Variants in CHRDL1 observed in about 807,000 individuals in gnomAD.
CHRDL1 encodes chordin-like protein 1.
A neutral mutation model predicts 40.9 loss-of-function variants in CHRDL1; 19 were observed. The observed-to-expected ratio is 0.46, with a 90% confidence interval of 0.32 to 0.68. The LOEUF (loss-of-function observed/expected upper bound fraction) is 0.68. CHRDL1 is among the 30% of genes least tolerant of loss of function. CHRDL1 has a pLI of 0.03. For missense variants in CHRDL1, 329 were observed against 352.1 expected, an observed-to-expected ratio of 0.93 and a Z score of 0.53; for synonymous variants, 136 against 123.4, an observed-to-expected ratio of 1.10 and a Z score of -0.68.
At chrX:110,679,065 T>A (rs749769925) in intron 11 of CHRDL1, among the ~76,000 whole-genome samples, 7 of 111,578 alleles carry the variant, frequency 6.3e-5, no homozygotes, top group Non-Finnish European at 1.1e-4. Flanking sequence ...TGCTTAGCAG[T>A]TTCATTAAAG....
intron 4 of CHRDL1, among the ~76,000 whole-genome samples, chrX:110,754,073 C>A: frequency 8.9e-6 from 1 of 112,370 alleles, no homozygotes; most frequent in Admixed American, 9.4e-5. Context: ...GCCATTTGCC[C>A]TACATTCTTC....
At chrX:110,711,843 T>C (rs2070751980) in intron 6 of CHRDL1, among the ~76,000 whole-genome samples, 1 of 112,212 alleles carries the variant, frequency 8.9e-6, no homozygotes, top group African/African-American at 3.2e-5. Context: ...CTGACTAATA[T>C]ACTTTTAAAC....
chrX:110,724,161 G>A (rs1202513670), intron 4 of CHRDL1, among the ~76,000 whole-genome samples: 1 of 112,358 alleles, frequency 8.9e-6, no homozygotes, highest in Admixed American at 9.4e-5. Context: ...GGCTCTTATG[G>A]GAGCTGGCAG....
At chrX:110,703,304 G>A (rs2070555078) in intron 6 of CHRDL1, among the ~76,000 whole-genome samples, 1 of 111,767 alleles carries the variant, frequency 8.9e-6, no homozygotes, top group Non-Finnish European at 1.9e-5. Context: ...CTCAATATAT[G>A]TATTGAATTG....
intron 6 of CHRDL1, among the ~76,000 whole-genome samples, chrX:110,714,440 C>T (rs1201636559): frequency 8.9e-6 from 1 of 111,770 alleles, no homozygotes; most frequent in Non-Finnish European, 1.9e-5. Context: ...ATGTCTTTTG[C>T]AGGAAGATAG....
intron 2 of CHRDL1, among the ~76,000 whole-genome samples, chrX:110,773,544 C>T (rs1269688512): frequency 6.4e-5 from 7 of 109,432 alleles, no homozygotes; most frequent in Non-Finnish European, 1.1e-4. Flanking sequence ...CTGGCTAACA[C>T]GGTGAAATCC....
intron 4 of CHRDL1, among the ~76,000 whole-genome samples, chrX:110,744,000 G>A: frequency 1.8e-5 from 2 of 111,748 alleles, no homozygotes; most frequent in Middle Eastern, 9.3e-3. Context: ...TTAAACTTTT[G>A]TCAAACAACC....
At chrX:110,696,909 AG>A (rs2070397384) in intron 7 of CHRDL1, among the ~76,000 whole-genome samples, 1 of 110,826 alleles carries the variant, frequency 9.0e-6, no homozygotes, top group Admixed American at 9.6e-5. Flanking sequence ...TTTTGATTTA[AG>A]GGTAATGGTT....
rs1162962862 is a variant in CHRDL1, at chrX:110,759,769, G to A, written c.208-15C>T. 1 of 1,136,629 alleles carries A rather than the reference G, an allele frequency of 8.8e-7. No individual in the cohort carries two copies. The highest frequency in any genetic ancestry group is 2.2e-5 in the Admixed American group (1 of 45,863). The allele number at this position is 1,136,629 out of a possible 1,213,427, so 93.7% of individuals were successfully genotyped here. On this transcript the variant is annotated splice_polypyrimidine_tract_variant and intron_variant, in intron 3 of 11. Transcript: ENST00000372042. ...ACATTCCCATTCTGAAAAAGAGAAG[G>A]CAATGAGAAAAAATAAATGTCTTTC...
intron 4 of CHRDL1, among the ~76,000 whole-genome samples, 180 bp from the exon 5 acceptor site, chrX:110,721,710 GATCT>G (rs2148465964): frequency 9.0e-6 from 1 of 111,713 alleles, no homozygotes; most frequent in Admixed American, 9.4e-5. Context: ...CTGACATTAT[GATCT>G]ATCCATCCAT....
At chrX:110,709,028 T>C (rs1332070059) in intron 6 of CHRDL1, among the ~76,000 whole-genome samples, 1 of 111,765 alleles carries the variant, frequency 8.9e-6, no homozygotes, top group Non-Finnish European at 1.9e-5. Flanking sequence ...AGCCAAACAG[T>C]TTGGATTCAA....
intron 7 of CHRDL1, among the ~76,000 whole-genome samples, 193 bp downstream of exon 7, chrX:110,700,461 C>G (rs1432983378): frequency 8.9e-6 from 1 of 111,809 alleles, no homozygotes; most frequent in Non-Finnish European, 1.9e-5. Context: ...TTTCCTGCCT[C>G]CAGTTACCAA....
chrX:110,766,273 G>A (rs1186011268), intron 2 of CHRDL1, among the ~76,000 whole-genome samples: 1 of 110,272 alleles, frequency 9.1e-6, no homozygotes, highest in Admixed American at 9.7e-5. Context: ...GACAATCTAA[G>A]GTCACACCTC....
intron 2 of CHRDL1, among the ~76,000 whole-genome samples, chrX:110,784,791 G>C (rs1175487186): frequency 8.9e-6 from 1 of 111,733 alleles, no homozygotes; most frequent in Non-Finnish European, 1.9e-5. Flanking sequence ...CAAGCAAGGT[G>C]ACACCATTAA....
In CHRDL1 at chrX:110,789,700, G is replaced by A. The variant is rs562110997; in HGVS notation, c.94+2388C>T. Among the ~76,000 whole-genome samples, 25 of 111,483 alleles carry A rather than the reference G, an allele frequency of 2.2e-4. No homozygotes were observed. In the South Asian group the frequency reaches 7.5e-3, roughly 34 times the overall value. On this transcript the variant is annotated intron_variant, in intron 2 of 11. Transcript: ENST00000372042. ...TTTTGTAAAATAAAATATCATACAG[G>A]CATGTATATATAATTTTATAAAACA...
chrX:110,713,957 G>A (rs184622289), intron 6 of CHRDL1, among the ~76,000 whole-genome samples: 38 of 111,184 alleles, frequency 3.4e-4, no homozygotes, highest in Middle Eastern at 4.7e-3. Context: ...AAGTGGAAAT[G>A]ATCAATGGTG....
chrX:110,681,718 G>A (rs1289179542), intron 9 of CHRDL1, 69 bp from the exon 10 acceptor site: 2 of 770,968 alleles, frequency 2.6e-6, no homozygotes, highest in Admixed American at 2.6e-5. Flanking sequence ...CTGCATTTAT[G>A]TATCTCATTG....
At chrX:110,730,267 T>C (rs1300117205) in intron 4 of CHRDL1, among the ~76,000 whole-genome samples, 1 of 111,835 alleles carries the variant, frequency 8.9e-6, no homozygotes, top group Non-Finnish European at 1.9e-5. Flanking sequence ...TCCCAAGTGG[T>C]AACTAGAGAT....
intron 4 of CHRDL1, among the ~76,000 whole-genome samples, chrX:110,735,118 T>A (rs2071240675): frequency 9.0e-6 from 1 of 111,273 alleles, no homozygotes; most frequent in Non-Finnish European, 1.9e-5. Context: ...GGCATCTGGA[T>A]GAGACAGTGG....
Sources: gnomAD v4.1 joint callset for allele counts (sites outside exome capture counted in the v4.1 genomes callset) on GRCh38, gnomAD v4.1.1 for gene constraint, MANE v1.5 for transcripts, NCBI Gene and HGNC (gene_info 2026-07-23, HGNC 2026-07-21) for gene names.